MCM9: variants seen among roughly 807,000 people sequenced by gnomAD.
The protein encoded by MCM9 is DNA helicase MCM9.
In MCM9, 55 loss-of-function variants were observed where a neutral mutation model predicts 72.8. The observed-to-expected ratio is 0.76, with a 90% CI of 0.61 to 0.95. The LOEUF is 0.95. Among genes scored for constraint, MCM9 ranks in the 40% least tolerant of loss-of-function variants. The pLI is 0.00. For missense variants in MCM9, 1,279 were observed against 1,377.0 expected (o/e 0.93, Z 1.13); for synonymous variants, 480 against 503.4 (o/e 0.95, Z 0.62).
rs59630533 is a variant in MCM9, at chr6:118,814,390, C to CAAAAAAAAAAAAAAAAA, written c.*417_*433dup. ...ACTTAGCCCATTCCAGGTGAAAATA[C>CAAAAAAAAAAAAAAAAA]AAAAAAAAAAAAAAAAAGTAGAAAA... On this transcript the variant is annotated 3_prime_UTR_variant, in exon 14 of 14. Coordinates refer to ENST00000619706, the MANE Select transcript of MCM9 (RefSeq NM_017696.3). 1.2e-5 allele frequency: 1 copy of CAAAAAAAAAAAAAAAAA among 80,382 alleles called. No individual in the cohort carries two copies. 5.0% of individuals were successfully genotyped at this position (80,382 alleles called of 1,614,324 possible). A position where few individuals can be genotyped will look rare whatever the true frequency, so the allele number is the denominator to read the frequency against.
At position 118,856,532 on chromosome 6, in the gene MCM9, A is replaced by C; in HGVS notation, c.1164T>G (p.Thr388=). The part of the protein sequence containing the change: ...IGSTSAGLTV[T]AVKDSGEWNL... ...TCCATTCTCCTGAGTCTTTTACAGC[A>C]GTTACCGTCAGACCTGAGGAAACAA... The change falls in exon 9 of 14, where the codon ACT becomes ACG. Residue 388 remains threonine, a synonymous_variant. Transcript: ENST00000619706. 6.5e-7 allele frequency: 1 copy of C among 1,535,596 alleles called. No individual in the cohort carries two copies. The highest frequency in any genetic ancestry group is 8.7e-7 in the Non-Finnish European group (1 of 1,146,874).
At chr6:118,893,096 C>T (rs1583565236) in intron 8 of MCM9, among the ~76,000 whole-genome samples, 1 of 152,116 alleles carries the variant, frequency 6.6e-6, no homozygotes, top group Admixed American at 6.6e-5. Context: ...ATAAAACAAA[C>T]CTTTATACCA....
At chr6:118,834,159 C>A (rs1184147989) in intron 9 of MCM9, among the ~76,000 whole-genome samples, 1 of 152,124 alleles carries the variant, frequency 6.6e-6, no homozygotes, top group African/African-American at 2.4e-5. Flanking sequence ...TGACGGTTTC[C>A]AGCTTCACTC....
At chr6:118,843,686 G>GTATATATATA (rs1342376738) in intron 9 of MCM9, among the ~76,000 whole-genome samples, 1 of 31,224 alleles carries the variant, frequency 3.2e-5, no homozygotes, top group African/African-American at 1.4e-4. Context: ...ATATATATAT[G>GTATATATATA]TGTATATATA....
chr6:118,934,980 C>T lies in MCM9; in HGVS notation c.-239G>A, dbSNP rs1782792752. 6.6e-6 allele frequency: 1 copy of T among 152,348 alleles called. No homozygotes were observed. Among genetic ancestry groups the T allele is most frequent in the Non-Finnish European group, 1.5e-5 (1 of 68,072 alleles). 9.4% of individuals were successfully genotyped at this position (152,348 alleles called of 1,614,324 possible). A position where few individuals can be genotyped will look rare whatever the true frequency, so the allele number is the denominator to read the frequency against. ...CCAGGCAGCGGGTTCGTCTCCGGCG[C>T]AAGAAGGCTGGTGAGGCGGAGTGCG... On this transcript the variant is annotated 5_prime_UTR_variant, in exon 1 of 14. Coordinates refer to ENST00000619706, the MANE Select transcript of MCM9 (RefSeq NM_017696.3).
intron 8 of MCM9, among the ~76,000 whole-genome samples, chr6:118,895,965 T>G (rs1460719789): frequency 6.6e-6 from 1 of 152,012 alleles, no homozygotes; most frequent in Non-Finnish European, 1.5e-5. Context: ...ATATATAAAG[T>G]TAACAGTTCT....
chr6:118,825,378 G>C (rs765338761), intron 13 of MCM9, among the ~76,000 whole-genome samples: 1 of 152,188 alleles, frequency 6.6e-6, no homozygotes, highest in Non-Finnish European at 1.5e-5. Context: ...TCAAAAACTA[G>C]AAAGAGAAGG....
chr6:118,879,774 T>C (rs1778168191), intron 8 of MCM9, among the ~76,000 whole-genome samples: 1 of 150,906 alleles, frequency 6.6e-6, no homozygotes, highest in Non-Finnish European at 1.5e-5. Flanking sequence ...CGGGGTGCAG[T>C]GGCTAATGCC....
intron 8 of MCM9, among the ~76,000 whole-genome samples, chr6:118,894,817 C>T (rs765827001): frequency 3.3e-5 from 5 of 152,324 alleles, no homozygotes; most frequent in African/African-American, 4.8e-5. Context: ...CGCACTCGCT[C>T]CCGCTGCGCC....
At chr6:118,926,987 G>A (rs1270066077) in intron 3 of MCM9, among the ~76,000 whole-genome samples, 2 of 151,966 alleles carry the variant, frequency 1.3e-5, no homozygotes, top group Admixed American at 1.3e-4. Flanking sequence ...CTTCTACGAA[G>A]GAAGGTAAAA....
chr6:118,900,612 A>T (rs910639939), intron 8 of MCM9, among the ~76,000 whole-genome samples: 3 of 152,192 alleles, frequency 2.0e-5, no homozygotes, highest in African/African-American at 7.2e-5. Context: ...TCTGGTAGGA[A>T]CTTTATAAGG....
intron 8 of MCM9, among the ~76,000 whole-genome samples, chr6:118,871,792 A>C (rs1033625351): frequency 1.3e-5 from 2 of 152,060 alleles, no homozygotes; most frequent in African/African-American, 4.8e-5. Context: ...CTGTAGTCCC[A>C]GCTACTCAGG....
At chr6:118,826,989 G>T in intron 11 of MCM9, 125 bp from the exon 12 acceptor site, 1 of 743,886 alleles carries the variant, frequency 1.3e-6, no homozygotes, top group East Asian at 2.7e-5. Flanking sequence ...AATTTTACTA[G>T]AACAAGCACA....
chr6:118,900,936 TTATC>T (rs2114521613), intron 8 of MCM9: 3 of 1,187,942 alleles, frequency 2.5e-6, no homozygotes, highest in African/African-American at 3.0e-5. Flanking sequence ...GTAGACTATA[TTATC>T]TATTATCTTA....
intron 8 of MCM9, among the ~76,000 whole-genome samples, chr6:118,858,407 A>G (rs1776701053): frequency 6.6e-6 from 1 of 152,158 alleles, no homozygotes. Flanking sequence ...TAACATACTT[A>G]GTGATAAAAG....
intron 10 of MCM9, among the ~76,000 whole-genome samples, chr6:118,828,677 G>A (rs1227942669): frequency 2.0e-5 from 3 of 152,136 alleles, no homozygotes; most frequent in East Asian, 1.9e-4. Flanking sequence ...GAGCCACCAC[G>A]CCCGGCCTGA....
At chr6:118,850,282 G>C (rs1024379389) in intron 9 of MCM9, among the ~76,000 whole-genome samples, 1 of 151,840 alleles carries the variant, frequency 6.6e-6, no homozygotes, top group Non-Finnish European at 1.5e-5. Flanking sequence ...ATTGGTAATG[G>C]TGTTGATATA....
chr6:118,858,665 AG>A (rs1335706733), intron 8 of MCM9, among the ~76,000 whole-genome samples: 3 of 152,194 alleles, frequency 2.0e-5, no homozygotes, highest in African/African-American at 7.2e-5. Flanking sequence ...GCAAGGCTGG[AG>A]GACACAAGTC....
chr6:118,907,132 A>C (rs1780236855), intron 8 of MCM9, among the ~76,000 whole-genome samples: 1 of 152,182 alleles, frequency 6.6e-6, no homozygotes, highest in South Asian at 2.1e-4. Context: ...TAGAAAACAG[A>C]AGTATAGGAG....
Sources: gnomAD v4.1 joint callset for allele counts (sites outside exome capture counted in the v4.1 genomes callset) on GRCh38, gnomAD v4.1.1 for gene constraint, MANE v1.5 for transcripts, NCBI Gene and HGNC (gene_info 2026-07-23, HGNC 2026-07-21) for gene names.